The following PLA2G4E variants were observed in gnomAD, a reference collection of about 807,000 sequenced individuals.
PLA2G4E encodes phospholipase A2 group IVE.
In PLA2G4E, 84 loss-of-function variants were observed where a neutral mutation model predicts 109.1. The observed-to-expected ratio is 0.77, with a 90% CI of 0.65 to 0.92. The LOEUF is 0.92. Ranked by LOEUF, PLA2G4E falls within the 40% of genes least tolerant of loss-of-function variation. PLA2G4E has a pLI of 0.00. For missense variants in PLA2G4E, 1,057 were observed against 1,076.6 expected (o/e 0.98, Z 0.25); for synonymous variants, 469 against 436.1 (o/e 1.08, Z -0.94).
intron 15 of PLA2G4E, 56 bp from the exon 16 acceptor site, chr15:41,988,212 G>T: frequency 7.6e-7 from 1 of 1,320,196 alleles, no homozygotes. Flanking sequence ...GCCCCACACT[G>T]ACATTTGATT....
intron 2 of PLA2G4E, among the ~76,000 whole-genome samples, chr15:42,008,419 T>A (rs17739998): frequency 0.073 from 11,075 of 152,310 alleles, 454 homozygotes; most frequent in South Asian, 0.093. Context: ...CATCTCCATA[T>A]GGCTTAATGC....
intron 13 of PLA2G4E, among the ~76,000 whole-genome samples, chr15:41,990,927 C>T (rs2068237247): frequency 6.6e-6 from 1 of 151,940 alleles, no homozygotes; most frequent in African/African-American, 2.4e-5. Flanking sequence ...GGCTCTGACC[C>T]CAGGCCAAGC....
chr15:42,047,691 C>T (rs1889438955), intron 1 of PLA2G4E, among the ~76,000 whole-genome samples: 1 of 152,160 alleles, frequency 6.6e-6, no homozygotes, highest in African/African-American at 2.4e-5. Context: ...ACATGTCCCC[C>T]ATTCATACAT....
At chr15:42,030,444 C>T (rs532784664) in intron 1 of PLA2G4E, among the ~76,000 whole-genome samples, 5 of 152,312 alleles carry the variant, frequency 3.3e-5, no homozygotes, top group African/African-American at 7.2e-5. Flanking sequence ...TCCAAATACA[C>T]GATAGGCTCC....
chr15:42,033,798 C>G (rs1889159079), intron 1 of PLA2G4E, among the ~76,000 whole-genome samples: 1 of 152,198 alleles, frequency 6.6e-6, no homozygotes, highest in Admixed American at 6.5e-5. Flanking sequence ...GCCCCTGGCC[C>G]TGGGTGGAGT....
rs377491586 is a variant in PLA2G4E at position 42,000,094 on chromosome 15, C to T, written c.852+10G>A. The T allele has an allele frequency of 1.5e-5, 23 of 1,580,072 alleles. No individual in the cohort carries two copies. Among genetic ancestry groups the T allele is most frequent in the Middle Eastern group, 1.7e-4 (1 of 6,000 alleles). ...CCCCCACACCTCCCCCAGTGTCAGCCGCCTTGTACCCCACAGCTCCAGTGA... is the reference window on the plus strand; with the variant it reads ...CCCCCACACCTCCCCCAGTGTCAGCTGCCTTGTACCCCACAGCTCCAGTGA... On this transcript the variant is annotated intron_variant, in intron 8 of 19. Coordinates refer to ENST00000399518, the Ensembl canonical transcript of PLA2G4E.
intron 1 of PLA2G4E, among the ~76,000 whole-genome samples, chr15:42,018,108 A>G (rs2068613607): frequency 6.6e-6 from 1 of 152,250 alleles, no homozygotes. Context: ...TCCAGGAACC[A>G]GGTCTATGAG....
At chr15:42,025,697 G>C (rs1047870712) in intron 1 of PLA2G4E, among the ~76,000 whole-genome samples, 58 of 152,302 alleles carry the variant, frequency 3.8e-4, no homozygotes, top group Admixed American at 2.5e-3. Context: ...GCTGCTTGTA[G>C]TTAGAAGAGA....
rs555447393 is a variant in PLA2G4E, at chr15:41,989,213, G to A, written c.1723+202C>T. ...AGTCTGCTGTTCCCAGTGTGGTGCT[G>A]AGCAGGCTGCAGGGAGACTGCTGGA... On this transcript the variant is annotated intron_variant, in intron 15 of 19. Coordinates refer to ENST00000399518, the Ensembl canonical transcript of PLA2G4E. Among the ~76,000 whole-genome samples the A allele has an allele frequency of 5.9e-5, 9 of 152,310 alleles. No individual in the cohort carries two copies. In the East Asian group the frequency reaches 1.7e-3, roughly 29 times the overall value.
In PLA2G4E at chr15:41,989,524, CACCTCGTAGGGGGAGA is replaced by C; in HGVS notation, c.1598_1613del (p.Phe533TrpfsTer25). Reference sequence around the variant, plus strand: ...TGAAGGCCCCATACTTCTGCAGGCCCACCTCGTAGGGGGAGAACTCGAACCACTCTGCACATGAAGC... The same window carrying C: ...TGAAGGCCCCATACTTCTGCAGGCCCACTCGAACCACTCTGCACATGAAGC... On this transcript the variant is annotated frameshift_variant, in exon 15 of 20. Coordinates refer to ENST00000399518, the Ensembl canonical transcript of PLA2G4E. LOFTEE classifies it high-confidence loss of function. The C allele has an allele frequency of 6.2e-7, 1 of 1,613,818 alleles. No individual in the cohort carries two copies. The highest frequency in any genetic ancestry group is 8.5e-7 in the Non-Finnish European group (1 of 1,179,774).
At chr15:42,040,137 A>C (rs543457646) in intron 1 of PLA2G4E, among the ~76,000 whole-genome samples, 1 of 152,146 alleles carries the variant, frequency 6.6e-6, no homozygotes, top group Admixed American at 6.5e-5. Flanking sequence ...GGAGTTCAAG[A>C]CCAGTTTGGG....
intron 1 of PLA2G4E, among the ~76,000 whole-genome samples, chr15:42,017,946 A>T (rs1311429515): frequency 6.6e-6 from 1 of 152,148 alleles, no homozygotes; most frequent in Non-Finnish European, 1.5e-5. Flanking sequence ...CCAGCTCTCG[A>T]ATTTTCAGGA....
chr15:42,039,671 C>T (rs1306479188), intron 1 of PLA2G4E, among the ~76,000 whole-genome samples: 1 of 151,768 alleles, frequency 6.6e-6, no homozygotes, highest in African/African-American at 2.4e-5. Context: ...ATCATAGCCA[C>T]AGAAGAAAAC....
intron 1 of PLA2G4E, among the ~76,000 whole-genome samples, chr15:42,018,537 C>T (rs1016089983): frequency 1.3e-5 from 2 of 152,124 alleles, no homozygotes; most frequent in Non-Finnish European, 2.9e-5. Flanking sequence ...GGGTAAGGAC[C>T]AGGGAGCACT....
chr15:41,988,243 CA>C, intron 15 of PLA2G4E, 87 bp from the exon 16 acceptor site: 1 of 875,416 alleles, frequency 1.1e-6, no homozygotes, highest in Non-Finnish European at 1.7e-6. Context: ...CCCACCCCCC[CA>C]CCCCACGCAA....
At chr15:42,004,295 AAAG>A (rs1243637874) in intron 5 of PLA2G4E, among the ~76,000 whole-genome samples, 4 of 75,534 alleles carry the variant, frequency 5.3e-5, no homozygotes, top group African/African-American at 3.3e-4. Flanking sequence ...GAGTGAGACG[AAAG>A]AAAGAAAGAA....
exon 16 of PLA2G4E, chr15:41,988,065 C>T (rs1347941937): frequency 3.7e-6 from 6 of 1,604,598 alleles, no homozygotes; most frequent in African/African-American, 2.7e-5. Flanking sequence ...CCTGCACTTT[C>T]TCCCTTGTCC....
intron 1 of PLA2G4E, among the ~76,000 whole-genome samples, chr15:42,043,452 G>A (rs183908381): frequency 7.9e-5 from 12 of 151,610 alleles, no homozygotes; most frequent in African/African-American, 2.7e-4. Flanking sequence ...AACTCATCTC[G>A]TGGGGCAAGT....
At chr15:42,031,778 A>G (rs1889118597) in intron 1 of PLA2G4E, among the ~76,000 whole-genome samples, 1 of 152,184 alleles carries the variant, frequency 6.6e-6, no homozygotes, top group African/African-American at 2.4e-5. Flanking sequence ...TCTTCTAGCA[A>G]GTTCAGCCCT....
Sources: gnomAD v4.1 joint callset for allele counts (sites outside exome capture counted in the v4.1 genomes callset) on GRCh38, gnomAD v4.1.1 for gene constraint, MANE v1.5 for transcripts, NCBI Gene and HGNC (gene_info 2026-07-23, HGNC 2026-07-21) for gene names.